DLG2: variants seen among roughly 807,000 people sequenced by gnomAD.
DLG2 encodes the protein disks large homolog 2.
DLG2 carries 45 observed loss-of-function variants against 132.5 expected under a neutral mutation model. The observed-to-expected ratio is 0.34, with a 90% CI of 0.27 to 0.44. The LOEUF is 0.44. DLG2 is among the 20% of genes least tolerant of loss of function. DLG2 has a pLI of 1.00. For missense variants in DLG2, 1,045 were observed against 1,196.9 expected, an observed-to-expected ratio of 0.87 and a Z score of 1.87; for synonymous variants, 424 against 419.6, an observed-to-expected ratio of 1.01 and a Z score of -0.13.
chr11:83,828,014 G>A (rs2053384597), intron 17 of DLG2, among the ~76,000 whole-genome samples: 1 of 152,200 alleles, frequency 6.6e-6, no homozygotes, highest in African/African-American at 2.4e-5. Flanking sequence ...TTGTCTTTGA[G>A]CATCTTAAAT....
chr11:84,601,100 T>C (rs1243132828), intron 6 of DLG2, among the ~76,000 whole-genome samples: 1 of 152,168 alleles, frequency 6.6e-6, no homozygotes, highest in Non-Finnish European at 1.5e-5. Context: ...TCTGTTATTT[T>C]TATGTAGAAG....
chr11:83,511,402 G>A (rs188095888), intron 21 of DLG2, among the ~76,000 whole-genome samples: 3 of 152,068 alleles, frequency 2.0e-5, no homozygotes, highest in South Asian at 2.1e-4. Context: ...ACATTTTTAC[G>A]GTCTACTCAT....
intron 6 of DLG2, among the ~76,000 whole-genome samples, chr11:84,975,531 A>C (rs994788723): frequency 4.6e-5 from 7 of 152,214 alleles, no homozygotes; most frequent in Non-Finnish European, 1.0e-4. Flanking sequence ...CAGAATTAGA[A>C]ATATTCAAGG....
At chr11:83,967,014 T>C (rs979382499) in intron 12 of DLG2, among the ~76,000 whole-genome samples, 4 of 152,230 alleles carry the variant, frequency 2.6e-5, no homozygotes, top group Admixed American at 2.0e-4. Flanking sequence ...TCTGGCTTAC[T>C]TCATTTAGCA....
chr11:83,916,113 A>G (rs1366380895), intron 15 of DLG2, among the ~76,000 whole-genome samples: 1 of 152,158 alleles, frequency 6.6e-6, no homozygotes, highest in African/African-American at 2.4e-5. Context: ...ATTGAATTAT[A>G]AAGACATACC....
At chr11:84,606,894 C>T (rs943872677) in intron 6 of DLG2, among the ~76,000 whole-genome samples, 1 of 152,110 alleles carries the variant, frequency 6.6e-6, no homozygotes, top group Non-Finnish European at 1.5e-5. Context: ...AAAATCTTCC[C>T]TGGACCCTCG....
At chr11:84,274,169 T>C (rs1383881852) in intron 7 of DLG2, among the ~76,000 whole-genome samples, 3 of 152,188 alleles carry the variant, frequency 2.0e-5, no homozygotes, top group African/African-American at 7.2e-5. Context: ...ATATTCTCAA[T>C]TCCCTTCACC....
intron 17 of DLG2, among the ~76,000 whole-genome samples, chr11:83,806,622 G>A (rs1041160810): frequency 6.6e-6 from 1 of 152,096 alleles, no homozygotes; most frequent in African/African-American, 2.4e-5. Flanking sequence ...AGCCCCACGA[G>A]GGCAGTCCCA....
chr11:85,045,767 G>A (rs1199790213), intron 6 of DLG2, among the ~76,000 whole-genome samples: 1 of 152,098 alleles, frequency 6.6e-6, no homozygotes, highest in African/African-American at 2.4e-5. Flanking sequence ...TGAATAGTCT[G>A]AGTTTTACAG....
At chr11:84,285,724 CCT>C (rs1222442547) in intron 7 of DLG2, among the ~76,000 whole-genome samples, 1 of 152,148 alleles carries the variant, frequency 6.6e-6, no homozygotes, top group Non-Finnish European at 1.5e-5. Flanking sequence ...CTCACGACAT[CCT>C]GTTATAGCTT....
At chr11:83,754,430 T>C (rs2093565647) in intron 18 of DLG2, among the ~76,000 whole-genome samples, 1 of 151,364 alleles carries the variant, frequency 6.6e-6, no homozygotes, top group South Asian at 2.1e-4. Flanking sequence ...ATTTATTATG[T>C]TGAAATCTCC....
At chr11:84,259,491 G>A (rs929190730) in intron 7 of DLG2, among the ~76,000 whole-genome samples, 2 of 152,052 alleles carry the variant, frequency 1.3e-5, no homozygotes, top group African/African-American at 4.8e-5. Flanking sequence ...AAGACCGCTG[G>A]ACTTACTGAG....
At chr11:84,655,623 T>C (rs2099687180) in intron 6 of DLG2, among the ~76,000 whole-genome samples, 1 of 152,100 alleles carries the variant, frequency 6.6e-6, no homozygotes, top group Non-Finnish European at 1.5e-5. Flanking sequence ...GATCTGGGTG[T>C]GACTCTTGGC....
chr11:84,704,922 T>G (rs1369432872), intron 6 of DLG2, among the ~76,000 whole-genome samples: 1 of 148,654 alleles, frequency 6.7e-6, no homozygotes, highest in Non-Finnish European at 1.5e-5. Context: ...ACATTATGTA[T>G]ATACACATAT....
chr11:84,896,750 G>A (rs918575742), intron 6 of DLG2, among the ~76,000 whole-genome samples: 1 of 151,638 alleles, frequency 6.6e-6, no homozygotes, highest in Non-Finnish European at 1.5e-5. Context: ...GCAATACTAT[G>A]TTCACATAAT....
At chr11:84,149,785 A>AATGCAATGACATTGCATCTCGTG (rs1296248055) in intron 9 of DLG2, among the ~76,000 whole-genome samples, 62 of 152,144 alleles carry the variant, frequency 4.1e-4, no homozygotes, top group African/African-American at 1.3e-3. Context: ...TCTGTCACCC[A>AATGCAATGACATTGCATCTCGTG]ATGCAATGAC....
intron 6 of DLG2, among the ~76,000 whole-genome samples, chr11:84,840,413 A>T (rs1287548748): frequency 6.6e-6 from 1 of 152,190 alleles, no homozygotes; most frequent in African/African-American, 2.4e-5. Context: ...TAGTTCCACC[A>T]TTGTGGAAGA....
In DLG2 at chr11:83,633,743, A is replaced by AACACACACACAC. The variant is rs35932645; in HGVS notation, c.1826-430_1826-419dup. On this transcript the variant is annotated intron_variant, in intron 18 of 27. Transcript: ENST00000376104. ...CGTGTGATAAAATTACACAGAACTA[A>AACACACACACAC]ACACACACACACACACACACACACA... Among the ~76,000 whole-genome samples, 1,262 of 143,274 alleles carry AACACACACACAC rather than the reference A, an allele frequency of 8.8e-3. 5 individuals carry two copies. Among genetic ancestry groups the AACACACACACAC allele is most frequent in the East Asian group, 0.011 (51 of 4,698 alleles). The allele number at this position is 143,274 out of a possible 152,430, so 94.0% of individuals were successfully genotyped here. A position where few individuals can be genotyped will look rare whatever the true frequency, so the allele number is the denominator to read the frequency against.
intron 6 of DLG2, among the ~76,000 whole-genome samples, chr11:84,651,416 T>A (rs550887201): frequency 6.6e-6 from 1 of 152,206 alleles, no homozygotes; most frequent in East Asian, 1.9e-4. Flanking sequence ...AACTCAGTGA[T>A]ACTCTTCATA....
Sources: allele counts gnomAD v4.1 joint callset (sites outside exome capture counted in the v4.1 genomes callset), GRCh38; gene constraint gnomAD v4.1.1; transcripts MANE v1.5; gene names NCBI Gene and HGNC (gene_info 2026-07-23, HGNC 2026-07-21).